The following RIPOR2 variants were observed in gnomAD, a reference collection of about 807,000 sequenced individuals.
RIPOR2 encodes rho family-interacting cell polarization regulator 2.
A neutral mutation model predicts 114.5 loss-of-function variants in RIPOR2; 39 were observed. The ratio of observed to expected loss-of-function variants is 0.34; its 90% CI spans 0.26 to 0.44. RIPOR2 has a LOEUF of 0.44. Among genes scored for constraint, RIPOR2 ranks in the 20% least tolerant of loss-of-function variants. The pLI, the probability that RIPOR2 is intolerant of heterozygous loss-of-function variation, is 1.00. For missense variants in RIPOR2, 1,007 were observed against 1,255.1 expected, an observed-to-expected ratio of 0.80 and a Z score of 2.99; for synonymous variants, 445 against 484.4, an observed-to-expected ratio of 0.92 and a Z score of 1.07.
chr6:24,990,837 G>C (rs1256436962), intron 1 of RIPOR2, among the ~76,000 whole-genome samples: 1 of 152,198 alleles, frequency 6.6e-6, no homozygotes, highest in Non-Finnish European at 1.5e-5. Flanking sequence ...TATTTTATGA[G>C]ATCATAAATA....
chr6:25,009,414 G>A (rs1276471484), intron 1 of RIPOR2, among the ~76,000 whole-genome samples: 2 of 152,102 alleles, frequency 1.3e-5, no homozygotes, highest in Non-Finnish European at 2.9e-5. Context: ...CTTAGAAATC[G>A]TCTTACCATT....
At chr6:24,995,501 A>G (rs1775006243) in intron 1 of RIPOR2, among the ~76,000 whole-genome samples, 1 of 152,198 alleles carries the variant, frequency 6.6e-6, no homozygotes, top group Admixed American at 6.5e-5. Flanking sequence ...CGGCAACTCA[A>G]TCCACCCCTT....
chr6:25,017,350 G>C (rs1479416612), intron 1 of RIPOR2, among the ~76,000 whole-genome samples: 1 of 152,188 alleles, frequency 6.6e-6, no homozygotes, highest in Non-Finnish European at 1.5e-5. Context: ...TTTAGGCAGA[G>C]CAAAAGCTCG....
intron 13 of RIPOR2, among the ~76,000 whole-genome samples, chr6:24,842,405 G>A (rs547773654): frequency 1.6e-4 from 24 of 152,176 alleles, no homozygotes; most frequent in Admixed American, 5.9e-4. Flanking sequence ...TGGTTATTTG[G>A]ACCAATTGTG....
At chr6:24,967,470 G>A (rs454251) in intron 1 of RIPOR2, among the ~76,000 whole-genome samples, 125,274 of 152,112 alleles carry the variant, frequency 0.82, 54,355 homozygotes, top group East Asian at 0.96. Flanking sequence ...TTTCGTTGAT[G>A]AGGAAATTGA....
intron 1 of RIPOR2, among the ~76,000 whole-genome samples, chr6:24,941,302 G>T (rs1300411698): frequency 6.6e-6 from 1 of 151,992 alleles, no homozygotes; most frequent in Non-Finnish European, 1.5e-5. Flanking sequence ...CTCACATTGG[G>T]TATGGTTGGC....
At chr6:24,935,508 G>A (rs1403685430) in intron 1 of RIPOR2, among the ~76,000 whole-genome samples, 6 of 152,046 alleles carry the variant, frequency 3.9e-5, no homozygotes, top group Non-Finnish European at 8.8e-5. Context: ...ACTGTGACAG[G>A]CTTTCCTTAA....
chr6:25,034,629 A>G (rs2113767081), intron 1 of RIPOR2, among the ~76,000 whole-genome samples: 1 of 152,300 alleles, frequency 6.6e-6, no homozygotes, highest in African/African-American at 2.4e-5. Flanking sequence ...ACAACCTGAG[A>G]ATTACAGACT....
chr6:24,868,282 T>C (rs1764823480), intron 6 of RIPOR2, among the ~76,000 whole-genome samples: 1 of 152,148 alleles, frequency 6.6e-6, no homozygotes, highest in Non-Finnish European at 1.5e-5. Context: ...AAGATTCACA[T>C]AGATGACATA....
At chr6:24,994,061 T>A (rs543746956) in intron 1 of RIPOR2, among the ~76,000 whole-genome samples, 1 of 152,310 alleles carries the variant, frequency 6.6e-6, no homozygotes, top group Non-Finnish European at 1.5e-5. Context: ...GCTAAATGTA[T>A]TGTTCTTTGT....
At chr6:24,890,017 G>A (rs1357967903) in intron 1 of RIPOR2, among the ~76,000 whole-genome samples, 2 of 151,900 alleles carry the variant, frequency 1.3e-5, no homozygotes, top group Non-Finnish European at 1.5e-5. Context: ...TCAACCTCCC[G>A]AGTAGCTGGG....
intron 1 of RIPOR2, among the ~76,000 whole-genome samples, chr6:24,954,847 A>G (rs568512667): frequency 2.6e-5 from 4 of 152,340 alleles, no homozygotes; most frequent in African/African-American, 7.2e-5. Flanking sequence ...TAGCATTGAT[A>G]ATAAAATGTA....
Position 24,809,798 on chromosome 6 carries a change from T to C in RIPOR2, c.2962A>G (p.Ser988Gly), listed in dbSNP as rs1781020862. 2 of 1,547,162 alleles carry C rather than the reference T, an allele frequency of 1.3e-6. No homozygotes were observed. The highest frequency in any genetic ancestry group is 1.4e-5 in the African/African-American group (1 of 72,970). ...LALKILEATE[S>G]IKMLVTLCQS... ...CACAATGTCACCAGCATTTTAATGC[T>C]TTCAGTAGCCTATGGGGGAAAAATA... The change falls in exon 21 of 22, where the codon AGC becomes GGC. Residue 988 changes from serine to glycine, a missense_variant. Ser to Gly is a moderately conservative substitution (Grantham distance 56, BLOSUM62 0). Transcript: ENST00000643898.
In RIPOR2 at chr6:25,037,145, T is replaced by C. The variant is rs1319311295; in HGVS notation, c.76+4706A>G. ...CTCCAATAACAATGGGAGGTGGGTGTTACTGTAATAAGCATTTTAAGGTTG... is the reference window on the plus strand; with the variant it reads ...CTCCAATAACAATGGGAGGTGGGTGCTACTGTAATAAGCATTTTAAGGTTG... On this transcript the variant is annotated intron_variant, in intron 1 of 13. Transcript: ENST00000510784. The surrounding 1 kb of genome is among the most constrained non-coding windows in gnomAD (Gnocchi z 4.5). Among the ~76,000 whole-genome samples, 2 of 152,146 alleles carry C rather than the reference T, an allele frequency of 1.3e-5. No individual in the cohort carries two copies. Among genetic ancestry groups the C allele is most frequent in the Non-Finnish European group, 2.9e-5 (2 of 68,040 alleles).
chr6:24,989,927 G>T (rs1361306270), intron 1 of RIPOR2, among the ~76,000 whole-genome samples: 1 of 151,974 alleles, frequency 6.6e-6, no homozygotes, highest in African/African-American at 2.4e-5. Flanking sequence ...CTACTTGGGA[G>T]GCTGAGGCAG....
intron 20 of RIPOR2, among the ~76,000 whole-genome samples, chr6:24,810,065 A>T (rs568339772): frequency 8.5e-5 from 13 of 152,306 alleles, no homozygotes; most frequent in African/African-American, 3.1e-4. Flanking sequence ...TGCCCAGGCT[A>T]GTCGAATTCT....
chr6:24,851,263 A>C (rs1412922818), intron 9 of RIPOR2, among the ~76,000 whole-genome samples: 1 of 152,138 alleles, frequency 6.6e-6, no homozygotes, highest in Non-Finnish European at 1.5e-5. Flanking sequence ...CTGTAGTAAA[A>C]GGTCATTGCA....
chr6:24,838,749 G>A (rs1012081599), intron 14 of RIPOR2, among the ~76,000 whole-genome samples: 1 of 152,056 alleles, frequency 6.6e-6, no homozygotes, highest in African/African-American at 2.4e-5. Flanking sequence ...AGCTGAGATC[G>A]CACCACTGCA....
intron 7 of RIPOR2, among the ~76,000 whole-genome samples, chr6:24,864,693 G>A (rs1417070141): frequency 6.6e-6 from 1 of 152,098 alleles, no homozygotes; most frequent in Non-Finnish European, 1.5e-5. Flanking sequence ...AGATGCTTGG[G>A]CCCCAGAGAG....
Sources: allele counts gnomAD v4.1 joint callset (sites outside exome capture counted in the v4.1 genomes callset), GRCh38; gene constraint gnomAD v4.1.1; non-coding constraint Gnocchi (gnomAD v3.1); transcripts MANE v1.5; gene names NCBI Gene and HGNC (gene_info 2026-07-23, HGNC 2026-07-21).